Variants in FLT4 observed in about 807,000 individuals in gnomAD.
FLT4 encodes the protein fms related receptor tyrosine kinase 4, also known as vascular endothelial growth factor receptor 3.
Under a neutral mutation model 163.2 loss-of-function variants are expected in FLT4, and 30 were observed. The ratio of observed to expected loss-of-function variants is 0.18; its 90% CI spans 0.14 to 0.25. FLT4 has a LOEUF of 0.25. Among genes scored for constraint, FLT4 ranks in the 10% least tolerant of loss-of-function variants. The probability of loss-of-function intolerance (pLI) is 1.00; values close to 1 mark genes in which losing one functional copy is unlikely to be tolerated. For synonymous variants in FLT4, 884 were observed against 789.5 expected (o/e 1.12, Z -2.01); for missense variants, 1,510 against 1,863.8 (o/e 0.81, Z 3.50).
intron 1 of FLT4, among the ~76,000 whole-genome samples, chr5:180,646,825 A>T (rs1765516497): frequency 6.6e-6 from 1 of 152,120 alleles, no homozygotes; most frequent in African/African-American, 2.4e-5. Flanking sequence ...CGCCAGACAG[A>T]CCACACATCA....
rs912381651 is a variant in FLT4, at chr5:180,623,049, GAA to G, written c.1549-212_1549-211del. ...GGCAGCAGAGAGAGGTAGCTGCCCA[GAA>G]AAGTCAAGGGACAGTGTATGGACTG... On this transcript the variant is annotated intron_variant, in intron 11 of 29. Transcript: ENST00000261937. The surrounding 1 kb of genome is among the most constrained non-coding windows in gnomAD (Gnocchi z 5.8). Among the ~76,000 whole-genome samples, 1 of 152,174 alleles carries G rather than the reference GAA, an allele frequency of 6.6e-6. No individual in the cohort carries two copies. The highest frequency in any genetic ancestry group is 2.4e-5 in the African/African-American group (1 of 41,428).
chr5:180,631,584 G>T, intron 2 of FLT4, 98 bp downstream of exon 2: 4 of 980,960 alleles, frequency 4.1e-6, no homozygotes, highest in East Asian at 2.4e-5. Flanking sequence ...CCCTGACTCT[G>T]CCCTGGGAGG....
chr5:180,613,943 C>A (rs948879306), intron 24 of FLT4, 125 bp downstream of exon 24: 6 of 759,520 alleles, frequency 7.9e-6, no homozygotes, highest in Admixed American at 7.8e-5. Context: ...CACAAACCAC[C>A]TGCTTCAGAA....
rs200549655 is a variant in FLT4, at chr5:180,619,259, G to A, written c.2755C>T (p.Pro919Ser). The change falls in exon 19 of 30, where the codon CCG (proline) becomes TCG (serine). Residue 919 changes from proline to serine, a missense_variant. This residue lies in a region of FLT4 where 878 missense variants were observed against 1,016.7 expected (regional missense o/e 0.86). Coordinates refer to ENST00000261937, the MANE Select transcript of FLT4 (RefSeq NM_182925.5). Reference sequence around the variant, plus strand: ...CGGGCCGCCCGCTCCGTACCCTGCGGCTTGGTGCACGCCCCGAGGAGGTTG... The same window carrying A: ...CGGGCCGCCCGCTCCGTACCCTGCGACTTGGTGCACGCCCCGAGGAGGTTG... The part of the protein sequence containing the change: ...VVNLLGACTK[P>S]QGPLMVIVEF... The A allele has an allele frequency of 2.5e-6, 4 of 1,608,208 alleles. No homozygotes were observed. The highest frequency in any genetic ancestry group is 1.7e-5 in the Admixed American group (1 of 59,894).
Position 180,618,830 on chromosome 5 carries a change from G to A in FLT4, c.2941C>T (p.Leu981Phe), listed in dbSNP as rs369278638. Residue 981 changes from leucine to phenylalanine, a missense_variant, in exon 21 of 30, where the codon CTC becomes TTC. Around this residue, in one of 5 missense-constraint regions of FLT4, gnomAD observed 878 missense variants for 1,016.7 expected, o/e 0.86. Transcript: ENST00000261937. ...RRRPGSSDRV[L>F]FARFSKTEGG... ...TCGGTCTTCGAGAACCGCGCGAAGA[G>A]GACCCTGTCGCTGCTCCCCGGCCGC... is the stretch of plus-strand genomic sequence containing the variant. The A allele has an allele frequency of 3.2e-6, 5 of 1,584,634 alleles. No homozygotes were observed. Among genetic ancestry groups the A allele is most frequent in the Non-Finnish European group, 3.4e-6 (4 of 1,166,200 alleles).
At chr5:180,610,650 C>T (rs1762104577) in intron 27 of FLT4, among the ~76,000 whole-genome samples, 1 of 152,196 alleles carries the variant, frequency 6.6e-6, no homozygotes, top group Admixed American at 6.5e-5. Context: ...GGAGTCCTTC[C>T]CTGCTCCCAG....
intron 23 of FLT4, among the ~76,000 whole-genome samples, chr5:180,614,753 C>G (rs144951481): frequency 6.6e-6 from 1 of 152,124 alleles, no homozygotes; most frequent in African/African-American, 2.4e-5. Flanking sequence ...TCCCAGCTTA[C>G]GGCATAAGGG....
At chr5:180,640,492 G>A (rs1189942759) in intron 1 of FLT4, among the ~76,000 whole-genome samples, 1 of 152,200 alleles carries the variant, frequency 6.6e-6, no homozygotes, top group Non-Finnish European at 1.5e-5. Context: ...GAAGGCCCAC[G>A]TAGGAGGCAC....
chr5:180,638,824 T>A (rs1467957786), intron 1 of FLT4, among the ~76,000 whole-genome samples: 3 of 152,210 alleles, frequency 2.0e-5, no homozygotes, highest in African/African-American at 4.8e-5. Flanking sequence ...AACTTGGAAT[T>A]ATTTATTTAT....
intron 6 of FLT4, 129 bp from the exon 7 acceptor site, chr5:180,629,556 G>T: frequency 6.9e-7 from 1 of 1,457,954 alleles, no homozygotes; most frequent in Non-Finnish European, 9.4e-7. Flanking sequence ...AGTTTTCTTT[G>T]GGTGGAACAC....
intron 10 of FLT4, among the ~76,000 whole-genome samples, chr5:180,624,710 A>C (rs115620062): frequency 0.053 from 8,078 of 152,280 alleles, 442 homozygotes; most frequent in East Asian, 0.22. Flanking sequence ...CAGGCCCAGC[A>C]CAGTCCCATG....
intron 21 of FLT4, 133 bp from the exon 22 acceptor site, chr5:180,617,127 C>A (rs997323077): frequency 4.4e-5 from 31 of 710,554 alleles, no homozygotes; most frequent in East Asian, 3.2e-4. Flanking sequence ...ACATCCTACT[C>A]CAGAGCACCC....
In FLT4 at chr5:180,640,689, G is replaced by A. The variant is rs144288153; in HGVS notation, c.58+8799C>T. On this transcript the variant is annotated intron_variant, in intron 1 of 29. Transcript: ENST00000261937. Reference sequence around the variant, plus strand: ...AGCCCAGCCCAGTGAGAGCTGCTGGGAGAGCCAGCCTTGCTTTCCTCCCAT... The same window carrying A: ...AGCCCAGCCCAGTGAGAGCTGCTGGAAGAGCCAGCCTTGCTTTCCTCCCAT... Among the ~76,000 whole-genome samples the A allele has an allele frequency of 2.5e-3, 387 of 152,360 alleles. 2 individuals are homozygous for A. Among genetic ancestry groups the A allele is most frequent in the African/African-American group, 8.7e-3 (362 of 41,598 alleles).
chr5:180,631,576 C>G (rs1244463835), intron 2 of FLT4, 106 bp downstream of exon 2: 3 of 930,164 alleles, frequency 3.2e-6, no homozygotes, highest in Non-Finnish European at 5.2e-6. Flanking sequence ...CCACTCTGCC[C>G]TGACTCTGCC....
rs142322370 is a variant in FLT4, at chr5:180,603,329, G to A, written c.3955C>T (p.Arg1319Trp). ...CGGGCCCCCCGCTCAGGCCGCCGCC[G>A]CCTCCCTTGGGAGTCAGGGTGTGCC... ...TRAHPDSQGRRRRPERGARGG... is the reference protein window; with the variant it reads ...TRAHPDSQGRWRRPERGARGG... Residue 1319 changes from arginine to tryptophan, a missense_variant, in exon 30 of 30, where the codon CGG becomes TGG. Coordinates refer to ENST00000261937, the MANE Select transcript of FLT4 (RefSeq NM_182925.5). 3.4e-5 allele frequency: 55 copies of A among 1,613,902 alleles called. No individual in the cohort carries two copies. In the Middle Eastern group the frequency reaches 6.6e-4, roughly 19 times the overall value.
intron 21 of FLT4, among the ~76,000 whole-genome samples, chr5:180,618,323 G>T (rs754749743): frequency 1.5e-5 from 1 of 65,344 alleles, no homozygotes; most frequent in African/African-American, 5.5e-5. Context: ...GGACACCCAC[G>T]TCCTACTCCC....
chr5:180,649,368 A>C, intron 1 of FLT4, 120 bp downstream of exon 1: 5 of 607,156 alleles, frequency 8.2e-6, no homozygotes, highest in Non-Finnish European at 9.6e-6. Flanking sequence ...TCCGCGCACC[A>C]GGGCCACCGT....
At chr5:180,609,686 G>C in intron 28 of FLT4, 2 of 549,452 alleles carry the variant, frequency 3.6e-6, no homozygotes, top group Non-Finnish European at 6.6e-6. Context: ...GAGGAGGGGA[G>C]GCCTCGTGTG....
intron 20 of FLT4, 45 bp from the exon 21 acceptor site, chr5:180,618,965 G>T: frequency 6.4e-7 from 1 of 1,556,380 alleles, no homozygotes; most frequent in South Asian, 1.2e-5. Context: ...GTCGTCCGCC[G>T]CAGAGGCGCC....
Sources: gnomAD v4.1 joint callset for allele counts (sites outside exome capture counted in the v4.1 genomes callset) on GRCh38, gnomAD v4.1.1 for gene constraint, gnomAD v4.1.1 regional missense constraint, Gnocchi (gnomAD v3.1) non-coding constraint, MANE v1.5 for transcripts, NCBI Gene and HGNC (gene_info 2026-07-23, HGNC 2026-07-21) for gene names.